The following SLC10A2 variants were observed in gnomAD, a reference collection of about 807,000 sequenced individuals.
SLC10A2 encodes the protein ileal sodium/bile acid cotransporter.
A neutral mutation model predicts 27.1 loss-of-function variants in SLC10A2; 34 were observed. The observed-to-expected ratio is 1.26, with a 90% confidence interval of 0.96 to 1.67. The LOEUF is 1.67. SLC10A2 is among the 40% of genes most tolerant of loss of function. SLC10A2 has a pLI of 0.00. For missense variants in SLC10A2, 530 were observed against 444.4 expected, an observed-to-expected ratio of 1.19 and a Z score of -1.73; for synonymous variants, 205 against 174.0, an observed-to-expected ratio of 1.18 and a Z score of -1.40.
rs772210578 is a variant in SLC10A2, at chr13:103,066,206, G to C, written c.44C>G (p.Ser15Cys). 2.5e-6 allele frequency: 4 copies of C among 1,613,876 alleles called. No individual in the cohort carries two copies. Among genetic ancestry groups the C allele is most frequent in the African/African-American group, 1.3e-5 (1 of 75,038 alleles). ...CTCAGGTACCACACAGGATGCACCA[G>C]AGCAAACTGTTGCATTGTCCACACA... ...NSCVDNATVC[S>C]GASCVVPESN... The change falls in exon 1 of 6, where the codon TCT becomes TGT. Residue 15 changes from serine (S) to cysteine (C), a missense_variant. Coordinates refer to ENST00000245312, the MANE Select transcript of SLC10A2 (RefSeq NM_000452.3).
chr13:103,051,236 G>T, intron 4 of SLC10A2, 21 bp downstream of exon 4: 2 of 1,612,238 alleles, frequency 1.2e-6, no homozygotes, highest in Non-Finnish European at 1.7e-6. Flanking sequence ...AATTCCCAAT[G>T]TGATTTACTA....
intron 2 of SLC10A2, 64 bp downstream of exon 2, chr13:103,058,200 C>T: frequency 3.1e-6 from 3 of 975,638 alleles, no homozygotes; most frequent in East Asian, 4.8e-5. Flanking sequence ...GTCTGAGAGC[C>T]TAGCAGGGGG....
intron 2 of SLC10A2, 116 bp from the exon 3 acceptor site, chr13:103,052,824 A>G: frequency 1.4e-6 from 1 of 723,014 alleles, no homozygotes; most frequent in Non-Finnish European, 2.5e-6. Flanking sequence ...TCCTTCTTGA[A>G]TACACAAAAC....
chr13:103,052,651 T>A lies in SLC10A2; in HGVS notation c.554A>T (p.Lys185Ile), dbSNP rs199920394. 1.8e-5 allele frequency: 29 copies of A among 1,612,070 alleles called. No homozygotes were observed. Among genetic ancestry groups the A allele is most frequent in the Non-Finnish European group, 2.3e-5 (27 of 1,178,302 alleles). ...TATGATCTTTGCTTTTTGGGGCCAT[T>A]TGTGATTAACAAACATTCCAATGGA... The part of the protein sequence containing the change: ...PVSIGMFVNH[K>I]WPQKAKIILK... Residue 185 changes from lysine (K) to isoleucine (I), a missense_variant, in exon 3 of 6, where the codon AAA becomes ATA. By Grantham distance (102) the Lys-to-Ile change is moderately radical. Coordinates refer to ENST00000245312, the MANE Select transcript of SLC10A2 (RefSeq NM_000452.3).
At chr13:103,061,018 C>G (rs981571889) in intron 1 of SLC10A2, among the ~76,000 whole-genome samples, 4 of 152,116 alleles carry the variant, frequency 2.6e-5, no homozygotes, top group African/African-American at 9.7e-5. Context: ...CTTAACTTCT[C>G]TAATAATATA....
At chr13:103,050,079 G>A (rs552240324) in intron 4 of SLC10A2, among the ~76,000 whole-genome samples, 3 of 152,134 alleles carry the variant, frequency 2.0e-5, no homozygotes, top group African/African-American at 7.2e-5. Context: ...GATCACTTGA[G>A]CCAAGGCTTC....
At position 103,058,511 on chromosome 13, in the gene SLC10A2, C is replaced by A. The variant is rs1044962534; in HGVS notation, c.378-129G>T. 15 of 685,866 alleles carry A rather than the reference C, an allele frequency of 2.2e-5. 1 individual carries two copies. The highest frequency in any genetic ancestry group is 4.2e-5 in the Admixed American group (2 of 47,702). 42.5% of individuals were successfully genotyped at this position (685,866 alleles called of 1,614,324 possible). A position where few individuals can be genotyped will look rare whatever the true frequency, so the allele number is the denominator to read the frequency against. On this transcript the variant is annotated intron_variant, in intron 1 of 5. Coordinates refer to ENST00000245312, the MANE Select transcript of SLC10A2 (RefSeq NM_000452.3). ...ATATGTGCATGTTTGTTATATAGGT[C>A]AACTTGTGTCATGGGGGTTTGTTGT...
At chr13:103,053,981 T>G (rs866177425) in intron 2 of SLC10A2, among the ~76,000 whole-genome samples, 5 of 152,176 alleles carry the variant, frequency 3.3e-5, no homozygotes, top group African/African-American at 1.2e-4. Context: ...CCTTGCATCC[T>G]GCTGTTTTGG....
intron 4 of SLC10A2, among the ~76,000 whole-genome samples, chr13:103,050,965 T>C (rs749831651): frequency 1.8e-4 from 27 of 152,210 alleles, no homozygotes; most frequent in Non-Finnish European, 3.2e-4. Flanking sequence ...CTGGTGTCCT[T>C]ATCAAAAGGG....
chr13:103,052,283 T>C (rs1262883800), intron 3 of SLC10A2, among the ~76,000 whole-genome samples: 1 of 151,808 alleles, frequency 6.6e-6, no homozygotes, highest in Non-Finnish European at 1.5e-5. Flanking sequence ...TTCAGTGGAG[T>C]GTCTTAAAGA....
At chr13:103,062,201 G>A (rs1210582077) in intron 1 of SLC10A2, among the ~76,000 whole-genome samples, 3 of 152,198 alleles carry the variant, frequency 2.0e-5, no homozygotes, top group Non-Finnish European at 4.4e-5. Flanking sequence ...AGGCTCTAAC[G>A]TAGCGTATAT....
In SLC10A2 at chr13:103,044,827, G is replaced by T. The variant is rs566566731; in HGVS notation, c.*1306C>A. On this transcript the variant is annotated 3_prime_UTR_variant, in exon 6 of 6. Coordinates refer to ENST00000245312, the MANE Select transcript of SLC10A2 (RefSeq NM_000452.3). Reference sequence around the variant, plus strand: ...TCTGATTGCTGCAGAATGAGGGAAAGGAAATTAAATTCGATCTTATAATTG... The same window carrying T: ...TCTGATTGCTGCAGAATGAGGGAAATGAAATTAAATTCGATCTTATAATTG... 6.6e-6 allele frequency: 1 copy of T among 152,154 alleles called. No homozygotes were observed. The allele number at this position is 152,154 out of a possible 1,614,324, so 9.4% of individuals were successfully genotyped here.
chr13:103,055,849 T>C (rs2765583), intron 2 of SLC10A2, among the ~76,000 whole-genome samples: 67,913 of 152,070 alleles, frequency 0.45, 15,541 homozygotes, highest in Non-Finnish European at 0.51. Context: ...TTAACCAAGA[T>C]ATTTATGCTG....
chr13:103,051,302 G>A lies in SLC10A2; in HGVS notation c.716C>T (p.Ser239Phe). 6.2e-7 allele frequency: 1 copy of A among 1,614,056 alleles called. No individual in the cohort carries two copies. The highest frequency in any genetic ancestry group is 8.5e-7 in the Non-Finnish European group (1 of 1,179,992). The change falls in exon 4 of 6, where the codon TCC becomes TTC. Residue 239 changes from serine to phenylalanine, a missense_variant. Transcript: ENST00000245312. ...IGTIFPVAGY[S>F]LGFLLARIAG... is the part of the protein sequence containing the mutation. ...AATTCTAGCCAGAAGAAACCCCAGG[G>A]AGTAACCCGCCACAGGAAATATTGT...
intron 1 of SLC10A2, among the ~76,000 whole-genome samples, chr13:103,058,880 C>T (rs1006914662): frequency 1.3e-5 from 2 of 152,148 alleles, no homozygotes; most frequent in African/African-American, 4.8e-5. Context: ...TAGGTTGATT[C>T]CATATGTATG....
At chr13:103,059,035 T>C (rs1045032892) in intron 1 of SLC10A2, among the ~76,000 whole-genome samples, 1 of 152,224 alleles carries the variant, frequency 6.6e-6, no homozygotes. Flanking sequence ...ATTGCCACAC[T>C]GCTTTCCGCA....
intron 2 of SLC10A2, among the ~76,000 whole-genome samples, chr13:103,056,319 C>A (rs1380557701): frequency 2.6e-5 from 4 of 152,062 alleles, no homozygotes; most frequent in Non-Finnish European, 5.9e-5. Flanking sequence ...GTTTTCTTTT[C>A]TCTTTTCCTA....
rs200676868 is a variant in SLC10A2 at position 103,045,637 on chromosome 13, T to C, written c.*496A>G. On this transcript the variant is annotated 3_prime_UTR_variant, in exon 6 of 6. Coordinates refer to ENST00000245312, the MANE Select transcript of SLC10A2 (RefSeq NM_000452.3). ...ATAAATATATAGGTTGCAAAGCTTT[T>C]AAAATAATGATTAAAATGTCAGTGA... 1 of 153,144 alleles carries C rather than the reference T, an allele frequency of 6.5e-6. No individual in the cohort carries two copies. Among genetic ancestry groups the C allele is most frequent in the African/African-American group, 2.4e-5 (1 of 41,444 alleles). The allele number at this position is 153,144 out of a possible 1,614,324, so 9.5% of individuals were successfully genotyped here.
At chr13:103,057,892 A>AAAAG (rs1311469323) in intron 2 of SLC10A2, among the ~76,000 whole-genome samples, 3 of 151,252 alleles carry the variant, frequency 2.0e-5, no homozygotes, top group Non-Finnish European at 1.5e-5. Flanking sequence ...AAAAAAAAAA[A>AAAAG]TTTCTTCAAT....
Sources: allele counts gnomAD v4.1 joint callset (sites outside exome capture counted in the v4.1 genomes callset), GRCh38; gene constraint gnomAD v4.1.1; transcripts MANE v1.5; gene names NCBI Gene and HGNC (gene_info 2026-07-23, HGNC 2026-07-21).